Variants in TRAPPC10 observed in about 807,000 individuals in gnomAD.
TRAPPC10 encodes the protein trafficking protein particle complex subunit 10, also known as TRAPP 130 kDa subunit.
A neutral mutation model predicts 125.5 loss-of-function variants in TRAPPC10; 23 were observed. The ratio of observed to expected loss-of-function variants is 0.18; its 90% CI spans 0.13 to 0.26. The LOEUF (loss-of-function observed/expected upper bound fraction) is 0.26. Among genes scored for constraint, TRAPPC10 ranks in the 10% least tolerant of loss-of-function variants. TRAPPC10 has a pLI of 1.00. For missense variants in TRAPPC10, 1,123 were observed against 1,308.4 expected (o/e 0.86, Z 2.19); for synonymous variants, 509 against 518.0 (o/e 0.98, Z 0.24).
intron 3 of TRAPPC10, among the ~76,000 whole-genome samples, chr21:44,044,256 C>A (rs1429235872): frequency 6.9e-6 from 1 of 145,134 alleles, no homozygotes; most frequent in Non-Finnish European, 1.5e-5. Flanking sequence ...TTATTGTTAG[C>A]TTTAGCTTTT....
At chr21:44,089,353 AT>A in intron 17 of TRAPPC10, 1 of 358,328 alleles carries the variant, frequency 2.8e-6, no homozygotes, top group African/African-American at 2.1e-5. Flanking sequence ...CCCTAAACTG[AT>A]TTGGTTTTCA....
At chr21:44,085,053 G>C (rs1223683605) in intron 15 of TRAPPC10, among the ~76,000 whole-genome samples, 1 of 152,124 alleles carries the variant, frequency 6.6e-6, no homozygotes, top group African/African-American at 2.4e-5. Context: ...AGGCATGATC[G>C]ATTACACCAC....
chr21:44,052,331 A>G lies in TRAPPC10; in HGVS notation c.337A>G (p.Asn113Asp). Reference protein sequence around the residue: ...TVKDDLTKWQNVLKAHSSVDW... With the variant: ...TVKDDLTKWQDVLKAHSSVDW... ...AAAAGATGACCTCACCAAGTGGCAGAATGTTCTGAAGGCTCATAGCTCTGT... is the reference window on the plus strand; with the variant it reads ...AAAAGATGACCTCACCAAGTGGCAGGATGTTCTGAAGGCTCATAGCTCTGT... The change falls in exon 4 of 23, where the codon AAT becomes GAT. Residue 113 changes from asparagine to aspartate, a missense_variant. By Grantham distance (23) the Asn-to-Asp change is conservative (BLOSUM62 1). This residue lies in a region of TRAPPC10 where 177 missense variants were observed against 228.9 expected (regional missense o/e 0.77). Transcript: ENST00000291574. 1 of 1,608,700 alleles carries G rather than the reference A, an allele frequency of 6.2e-7. No homozygotes were observed. The highest frequency in any genetic ancestry group is 8.5e-7 in the Non-Finnish European group (1 of 1,178,700).
intron 18 of TRAPPC10, among the ~76,000 whole-genome samples, chr21:44,090,753 T>C (rs1036521636): frequency 1.3e-5 from 2 of 152,152 alleles, no homozygotes; most frequent in Non-Finnish European, 2.9e-5. Flanking sequence ...TGATGATGTG[T>C]GGATAATTTG....
In TRAPPC10 at chr21:44,059,792, G is replaced by A. The variant is rs1267858878; in HGVS notation, c.790+578G>A. 8.2e-6 allele frequency: 3 copies of A among 367,224 alleles called. No homozygotes were observed. The highest frequency in any genetic ancestry group is 2.1e-5 in the African/African-American group (1 of 48,230). 22.7% of individuals were successfully genotyped at this position (367,224 alleles called of 1,614,324 possible). A position where few individuals can be genotyped will look rare whatever the true frequency, so the allele number is the denominator to read the frequency against. ...CACGTTATATAGCTGTTTCTCTGTCGCTCCTTTTTGTTACTCACAGCCCAT... is the reference window on the plus strand; with the variant it reads ...CACGTTATATAGCTGTTTCTCTGTCACTCCTTTTTGTTACTCACAGCCCAT... On this transcript the variant is annotated intron_variant, in intron 6 of 22. Coordinates refer to ENST00000291574, the MANE Select transcript of TRAPPC10 (RefSeq NM_003274.5). The surrounding 1 kb of genome is among the most constrained non-coding windows in gnomAD (Gnocchi z 4.4).
Position 44,043,403 on chromosome 21 carries a change from G to C in TRAPPC10, c.285+5476G>C, listed in dbSNP as rs537746308. ...TAATTTTTGTATTATTAGTGGAGAC[G>C]GGGTTTCACCATATTGGCCAGGCTG... On this transcript the variant is annotated intron_variant, in intron 3 of 22. Coordinates refer to ENST00000291574, the MANE Select transcript of TRAPPC10 (RefSeq NM_003274.5). Among the ~76,000 whole-genome samples, 73 of 151,792 alleles carry C rather than the reference G, an allele frequency of 4.8e-4. 1 individual carries two copies. In the Middle Eastern group the frequency reaches 0.021, roughly 43 times the overall value.
chr21:44,079,594 C>G lies in TRAPPC10; in HGVS notation c.1500C>G (p.Ile500Met), dbSNP rs780100469. 1.2e-6 allele frequency: 2 copies of G among 1,602,146 alleles called. No homozygotes were observed. The highest frequency in any genetic ancestry group is 1.8e-5 in the Admixed American group (1 of 55,556). ...MRKKAPQKAE[I>M]YLQGALKNYL... ...AAAAGGCTCCACAAAAGGCAGAAATCTATCTTCAAGGAGCACTGAAAAACT... is the reference window on the plus strand; with the variant it reads ...AAAAGGCTCCACAAAAGGCAGAAATGTATCTTCAAGGAGCACTGAAAAACT... Residue 500 changes from isoleucine (I) to methionine (M), a missense_variant, in exon 12 of 23, where the codon ATC becomes ATG. Ile to Met is a conservative substitution (Grantham distance 10, BLOSUM62 1). This residue lies in a region of TRAPPC10 where 840 missense variants were observed against 902.0 expected (regional missense o/e 0.93). Coordinates refer to ENST00000291574, the MANE Select transcript of TRAPPC10 (RefSeq NM_003274.5).
intron 3 of TRAPPC10, among the ~76,000 whole-genome samples, chr21:44,043,411 A>G (rs2034555454): frequency 6.6e-6 from 1 of 151,594 alleles, no homozygotes; most frequent in South Asian, 2.1e-4. Context: ...ACGGGGTTTC[A>G]CCATATTGGC....
intron 2 of TRAPPC10, among the ~76,000 whole-genome samples, chr21:44,035,488 T>A (rs1314411991): frequency 6.6e-6 from 1 of 152,320 alleles, no homozygotes; most frequent in South Asian, 2.1e-4. Context: ...CAGTACTCTT[T>A]GTATTGAAGT....
chr21:44,038,364 T>A (rs2034151177), intron 3 of TRAPPC10, among the ~76,000 whole-genome samples: 1 of 151,924 alleles, frequency 6.6e-6, no homozygotes, highest in East Asian at 1.9e-4. Context: ...ACTTTCAGCT[T>A]TGTTTTCATG....
At chr21:44,013,405 CTG>C (rs1257937006) in intron 1 of TRAPPC10, among the ~76,000 whole-genome samples, 2 of 152,158 alleles carry the variant, frequency 1.3e-5, no homozygotes, top group Non-Finnish European at 2.9e-5. Flanking sequence ...GTGTTTCAGA[CTG>C]TTACGATTTT....
intron 3 of TRAPPC10, among the ~76,000 whole-genome samples, chr21:44,044,573 C>A (rs577999081): frequency 4.6e-5 from 7 of 150,934 alleles, no homozygotes; most frequent in Admixed American, 4.6e-4. Context: ...ATTTTCTATA[C>A]TTGTTAAAAC....
Position 44,038,800 on chromosome 21 carries a change from A to T in TRAPPC10, c.285+873A>T, listed in dbSNP as rs147758083. ...AATGAGACAGGAACTGTAAGTCTGC[A>T]CCTGGTTTTCCTCAGATTTCACCTC... On this transcript the variant is annotated intron_variant, in intron 3 of 22. Transcript: ENST00000291574. 2.0e-5 allele frequency among the ~76,000 whole-genome samples: 3 copies of T among 152,162 alleles called. No homozygotes were observed. In the East Asian group the frequency reaches 5.8e-4, roughly 29 times the overall value.
At position 44,087,372 on chromosome 21, in the gene TRAPPC10, G is replaced by A. The variant is rs2038211376; in HGVS notation, c.2540-327G>A. On this transcript the variant is annotated intron_variant, in intron 16 of 22. Transcript: ENST00000291574. The surrounding 1 kb of genome is among the most constrained non-coding windows in gnomAD (Gnocchi z 4.6). ...CGAGGAAGGGGAAGGGGAGGACCCT[G>A]CTCCCCTGGGGTGGGGGTGGATCTG... Among the ~76,000 whole-genome samples, 3 of 152,190 alleles carry A rather than the reference G, an allele frequency of 2.0e-5. No homozygotes were observed. The highest frequency in any genetic ancestry group is 6.5e-5 in the Admixed American group (1 of 15,280).
chr21:44,046,864 C>G (rs982006514), intron 3 of TRAPPC10: 1 of 756,562 alleles, frequency 1.3e-6, no homozygotes, highest in Non-Finnish European at 2.4e-6. Flanking sequence ...CAGCGAGGTA[C>G]TCCAGGATGG....
intron 1 of TRAPPC10, among the ~76,000 whole-genome samples, chr21:44,012,764 AC>A: frequency 6.6e-6 from 1 of 151,332 alleles, no homozygotes; most frequent in African/African-American, 2.4e-5. Context: ...GCGACCTCTG[AC>A]CCCTGGGGGG....
At chr21:44,074,201 G>C in intron 7 of TRAPPC10, 123 bp from the exon 8 acceptor site, 1 of 1,182,664 alleles carries the variant, frequency 8.5e-7, no homozygotes, top group Non-Finnish European at 1.2e-6. Flanking sequence ...TCACAGAACT[G>C]TTAGATGAGG....
intron 3 of TRAPPC10, among the ~76,000 whole-genome samples, chr21:44,042,225 C>T (rs868465540): frequency 1.7e-4 from 26 of 151,438 alleles, no homozygotes; most frequent in East Asian, 3.9e-4. Flanking sequence ...TTTTAGTTTT[C>T]GGGCGTTTGA....
At chr21:44,037,749 C>T (rs2145724446) in intron 2 of TRAPPC10, 43 bp from the exon 3 acceptor site, 1 of 1,593,416 alleles carries the variant, frequency 6.3e-7, no homozygotes, top group Non-Finnish European at 8.6e-7. Flanking sequence ...CTGATGAATG[C>T]TGTTTAGTTG....
Sources: allele counts gnomAD v4.1 joint callset (sites outside exome capture counted in the v4.1 genomes callset), GRCh38; gene constraint gnomAD v4.1.1; regional missense constraint gnomAD v4.1.1; non-coding constraint Gnocchi (gnomAD v3.1); transcripts MANE v1.5; gene names NCBI Gene and HGNC (gene_info 2026-07-23, HGNC 2026-07-21).